Variants in FER observed in about 807,000 individuals in gnomAD.
FER encodes the protein FER tyrosine kinase.
A neutral mutation model predicts 111.0 loss-of-function variants in FER; 63 were observed. The observed-to-expected ratio is 0.57, with a 90% confidence interval of 0.46 to 0.70. The LOEUF is 0.70. Among genes scored for constraint, FER ranks in the 30% least tolerant of loss-of-function variants. The probability of loss-of-function intolerance (pLI) is 0.00; values close to 1 mark genes in which losing one functional copy is unlikely to be tolerated. For missense variants in FER, 914 were observed against 954.0 expected (o/e 0.96, Z 0.55); for synonymous variants, 327 against 313.9 (o/e 1.04, Z -0.44).
chr5:109,166,353 A>AC (rs1254765212), intron 17 of FER, among the ~76,000 whole-genome samples: 1 of 152,016 alleles, frequency 6.6e-6, no homozygotes, highest in Non-Finnish European at 1.5e-5. Flanking sequence ...AGACATTATT[A>AC]CCCCAATGAG....
At chr5:109,008,823 A>AGCC in intron 13 of FER, among the ~76,000 whole-genome samples, 1 of 151,916 alleles carries the variant, frequency 6.6e-6, no homozygotes, top group East Asian at 2.0e-4. Flanking sequence ...ATACAAAATT[A>AGCC]ACCAGGCATG....
At chr5:109,186,082 CCATCATTGACCAAACATCATTATGTGGTG>C in intron 18 of FER, 89 bp from the exon 19 acceptor site, 41 of 1,402,338 alleles carry the variant, frequency 2.9e-5, no homozygotes, top group Non-Finnish European at 4.0e-5. Context: ...TATATGTGCT[CCATCATTGACCAAACATCATTATGTGGTG>C]CATGACTGAC....
At chr5:109,040,126 G>T (rs1295180143) in intron 14 of FER, among the ~76,000 whole-genome samples, 1 of 152,010 alleles carries the variant, frequency 6.6e-6, no homozygotes, top group Non-Finnish European at 1.5e-5. Flanking sequence ...GTTCAGTTTT[G>T]GATGTATTGA....
intron 1 of FER, among the ~76,000 whole-genome samples, chr5:108,761,255 A>G (rs763297791): frequency 5.9e-5 from 9 of 152,088 alleles, no homozygotes; most frequent in Non-Finnish European, 1.3e-4. Context: ...TGCCTTCCTC[A>G]CTAAGCTTAA....
chr5:108,880,940 CCT>C (rs919109641), intron 8 of FER, among the ~76,000 whole-genome samples: 2 of 151,942 alleles, frequency 1.3e-5, no homozygotes, highest in African/African-American at 2.4e-5. Context: ...AGTTTTTCTG[CCT>C]CTCTTATTTC....
chr5:109,062,248 C>T (rs1441547634), intron 16 of FER, among the ~76,000 whole-genome samples: 2 of 152,094 alleles, frequency 1.3e-5, no homozygotes, highest in Non-Finnish European at 1.5e-5. Context: ...CCTGGCTGGG[C>T]GTAGTGGCTC....
chr5:108,994,869 G>A (rs759668232), intron 13 of FER, among the ~76,000 whole-genome samples: 1 of 152,108 alleles, frequency 6.6e-6, no homozygotes, highest in Admixed American at 6.5e-5. Flanking sequence ...TCTCTTTGTA[G>A]CAATTGTGAA....
intron 3 of FER, chr5:108,818,150 A>AT (rs1333738771): frequency 6.6e-6 from 1 of 152,200 alleles, no homozygotes; most frequent in Non-Finnish European, 1.5e-5. Context: ...AAAATTGGCC[A>AT]TATGCGGTAG....
chr5:108,886,418 ATATATAT>A (rs954114382), intron 9 of FER, among the ~76,000 whole-genome samples: 4 of 148,532 alleles, frequency 2.7e-5, no homozygotes, highest in Admixed American at 1.4e-4. Flanking sequence ...ACATATAAAC[ATATATAT>A]TATATATAAC....
chr5:108,929,049 A>G (rs1236776279), intron 10 of FER, among the ~76,000 whole-genome samples: 2 of 152,088 alleles, frequency 1.3e-5, no homozygotes, highest in African/African-American at 4.8e-5. Context: ...ATAAAAATTT[A>G]CCCCCAGATA....
At chr5:109,123,901 G>C (rs562056891) in intron 17 of FER, among the ~76,000 whole-genome samples, 2 of 152,060 alleles carry the variant, frequency 1.3e-5, no homozygotes, top group African/African-American at 2.4e-5. Flanking sequence ...GTTTACATTT[G>C]TATGTTTACA....
At chr5:109,167,452 G>A (rs959776783) in intron 17 of FER, among the ~76,000 whole-genome samples, 3 of 152,042 alleles carry the variant, frequency 2.0e-5, no homozygotes, top group African/African-American at 7.2e-5. Flanking sequence ...TCAGTTCCCA[G>A]ATCAAATAAC....
In FER at chr5:108,815,059, C is replaced by T. The variant is rs190420885; in HGVS notation, c.207+16670C>T. ...GCTTTCTACATTCCTGGAATAAACC[C>T]TTTTCCCTAGGAGTCCTGGTTTCTT... On this transcript the variant is annotated intron_variant, in intron 3 of 19. Transcript: ENST00000281092. Among the ~76,000 whole-genome samples, 518 of 152,198 alleles carry T rather than the reference C, an allele frequency of 3.4e-3. 2 individuals are homozygous for T. Among genetic ancestry groups the T allele is most frequent in the African/African-American group, 0.012 (493 of 41,532 alleles).
intron 13 of FER, chr5:109,014,984 A>G: frequency 6.6e-6 from 1 of 151,982 alleles, no homozygotes; most frequent in Non-Finnish European, 1.5e-5. Context: ...GATTTTTTTT[A>G]AAGACTGTTT....
intron 17 of FER, among the ~76,000 whole-genome samples, chr5:109,138,477 T>C (rs1013400080): frequency 6.6e-6 from 1 of 152,220 alleles, no homozygotes; most frequent in South Asian, 2.1e-4. Context: ...CATCGTGTTA[T>C]ACACCTTGGA....
At chr5:108,913,284 C>T (rs554158337) in intron 10 of FER, among the ~76,000 whole-genome samples, 2 of 152,220 alleles carry the variant, frequency 1.3e-5, no homozygotes, top group African/African-American at 4.8e-5. Context: ...AAACCATCAG[C>T]ATTTAGGTTG....
At chr5:108,978,209 C>T (rs557384178) in intron 13 of FER, among the ~76,000 whole-genome samples, 2 of 152,078 alleles carry the variant, frequency 1.3e-5, no homozygotes, top group Non-Finnish European at 2.9e-5. Context: ...AAATAATGAC[C>T]GATTATGTTC....
chr5:108,911,209 C>T (rs1751500904), intron 10 of FER, among the ~76,000 whole-genome samples: 1 of 152,034 alleles, frequency 6.6e-6, no homozygotes, highest in African/African-American at 2.4e-5. Flanking sequence ...ATTTGCATTT[C>T]TCTGATGATT....
At chr5:108,937,294 A>G (rs1238677139) in intron 10 of FER, among the ~76,000 whole-genome samples, 1 of 151,954 alleles carries the variant, frequency 6.6e-6, no homozygotes, top group Non-Finnish European at 1.5e-5. Context: ...AGTACCATTC[A>G]TTGAAATGGG....
Sources: gnomAD v4.1 joint callset for allele counts (sites outside exome capture counted in the v4.1 genomes callset) on GRCh38, gnomAD v4.1.1 for gene constraint, MANE v1.5 for transcripts, NCBI Gene and HGNC (gene_info 2026-07-23, HGNC 2026-07-21) for gene names.